Variants in FBXW12 observed in about 807,000 individuals in gnomAD.
The protein encoded by FBXW12 is F-box/WD repeat-containing protein 12.
FBXW12 carries 43 observed loss-of-function variants against 55.3 expected under a neutral mutation model. That is an observed-to-expected ratio of 0.78 (90% CI 0.61 to 1.00). The LOEUF (loss-of-function observed/expected upper bound fraction) is 1.00, where lower values mean the gene tolerates loss of function less well. FBXW12 is among the 50% of genes least tolerant of loss of function. FBXW12 has a pLI of 0.00. For missense variants in FBXW12, 524 were observed against 560.5 expected (o/e 0.93, Z 0.66); for synonymous variants, 184 against 203.8 (o/e 0.90, Z 0.83).
Position 48,373,304 on chromosome 3 carries a change from A to G in FBXW12, c.91-4A>G. The G allele has an allele frequency of 1.2e-6, 2 of 1,614,100 alleles. No homozygotes were observed. Among genetic ancestry groups the G allele is most frequent in the South Asian group, 1.1e-5 (1 of 91,066 alleles). ...CTGCTTGTCTCTTCCTTTCTCTCCC[A>G]TAGCATTGGAATAGGATTGCAGACA... On this transcript the variant is annotated splice_region_variant and splice_polypyrimidine_tract_variant and intron_variant, in intron 2 of 10. Coordinates refer to ENST00000296438, the MANE Select transcript of FBXW12 (RefSeq NM_207102.2).
At chr3:48,376,507 A>C (rs1206059247) in intron 5 of FBXW12, among the ~76,000 whole-genome samples, 1 of 152,134 alleles carries the variant, frequency 6.6e-6, no homozygotes, top group Non-Finnish European at 1.5e-5. Context: ...TTATCTCAAA[A>C]CTGAGTGTGG....
chr3:48,373,256 T>G, intron 2 of FBXW12, 52 bp from the exon 3 acceptor site: 1 of 1,613,980 alleles, frequency 6.2e-7, no homozygotes, highest in Non-Finnish European at 8.5e-7. Context: ...GGATTACCCT[T>G]GCTCTCTGAT....
intron 5 of FBXW12, among the ~76,000 whole-genome samples, chr3:48,375,974 C>CTTT (rs34834484): frequency 0.014 from 554 of 40,660 alleles, 144 homozygotes; most frequent in African/African-American, 0.041. Flanking sequence ...TGCGCCCGGC[C>CTTT]TTTTTTTTTT....
chr3:48,373,527 G>A lies in FBXW12; in HGVS notation c.129-21G>A, dbSNP rs752139075. On this transcript the variant is annotated intron_variant, in intron 3 of 10. Coordinates refer to ENST00000296438, the MANE Select transcript of FBXW12 (RefSeq NM_207102.2). ...TGAACTGACTGAGAACAGCCTGATGGGACTGTGACTCTGTTTCCAGGTCAC... is the reference window on the plus strand; with the variant it reads ...TGAACTGACTGAGAACAGCCTGATGAGACTGTGACTCTGTTTCCAGGTCAC... 6 of 1,609,706 alleles carry A rather than the reference G, an allele frequency of 3.7e-6. No individual in the cohort carries two copies. The Admixed American group carries it at 6.7e-5, about 18-fold the overall frequency.
At chr3:48,391,917 A>G (rs1479191117) in intron 10 of FBXW12, among the ~76,000 whole-genome samples, 3 of 152,124 alleles carry the variant, frequency 2.0e-5, no homozygotes, top group African/African-American at 4.8e-5. Context: ...TTTTGCGTCT[A>G]TGTTCATCAG....
At position 48,372,272 on chromosome 3, in the gene FBXW12, A is replaced by C; in HGVS notation, c.-133A>C. On this transcript the variant is annotated 5_prime_UTR_variant, in exon 1 of 11. An upstream start codon of the reference 5' UTR is lost. Transcript: ENST00000296438. The stretch of plus-strand genomic sequence containing the variant: ...GCGAGAAGGTAGAAACCCAGAGGCC[A>C]TGCTGGCGCTGAGAGATGAGCCCCA... 1 of 1,552,164 alleles carries C rather than the reference A, an allele frequency of 6.4e-7. No individual in the cohort carries two copies. The highest frequency in any genetic ancestry group is 8.7e-7 in the Non-Finnish European group (1 of 1,147,076).
intron 6 of FBXW12, among the ~76,000 whole-genome samples, chr3:48,379,095 C>T (rs1279416978): frequency 2.6e-5 from 4 of 152,274 alleles, no homozygotes; most frequent in African/African-American, 9.6e-5. Flanking sequence ...TGTTATTGTC[C>T]AGTCCATGAA....
rs772526265 is a variant in FBXW12 at position 48,381,859 on chromosome 3, C to A, written c.1145C>A (p.Ala382Asp). The part of the protein sequence containing the change: ...LLQRFEDHQA[A>D]INNFWVDPCY... ...CAACGATTTGAGGACCATCAGGCAG[C>A]CATCAACAACTTCTGGGTGGTATGT... The change falls in exon 9 of 11, where the codon GCC becomes GAC. Residue 382 changes from alanine to aspartate, a missense_variant. Coordinates refer to ENST00000296438, the MANE Select transcript of FBXW12 (RefSeq NM_207102.2). 2 of 1,607,304 alleles carry A rather than the reference C, an allele frequency of 1.2e-6. No individual in the cohort carries two copies. Among genetic ancestry groups the A allele is most frequent in the Admixed American group, 3.4e-5 (2 of 59,650 alleles).
At position 48,381,823 on chromosome 3, in the gene FBXW12, G is replaced by A. The variant is rs374845995; in HGVS notation, c.1109G>A (p.Gly370Asp). Residue 370 changes from glycine to aspartate, a missense_variant, in exon 9 of 11, where the codon GGC becomes GAC. Coordinates refer to ENST00000296438, the MANE Select transcript of FBXW12 (RefSeq NM_207102.2). ...GPYLLLFSITGFLLQRFEDHQ... is the reference protein window; with the variant it reads ...GPYLLLFSITDFLLQRFEDHQ... ...TACTTGTTACTCTTCAGCATCACTG[G>A]CTTCCTGCTGCAACGATTTGAGGAC... 8.8e-5 allele frequency: 142 copies of A among 1,609,556 alleles called. No individual in the cohort carries two copies. The highest frequency in any genetic ancestry group is 1.1e-4 in the Non-Finnish European group (134 of 1,176,984).
At chr3:48,386,945 T>TTA (rs2036856141) in intron 10 of FBXW12, among the ~76,000 whole-genome samples, 1 of 151,388 alleles carries the variant, frequency 6.6e-6, no homozygotes. Flanking sequence ...CTTCTTCTTT[T>TTA]TTTTTTTTTT....
intron 10 of FBXW12, among the ~76,000 whole-genome samples, chr3:48,388,475 T>G (rs1346510809): frequency 6.6e-6 from 1 of 152,246 alleles, no homozygotes; most frequent in Non-Finnish European, 1.5e-5. Context: ...TCTTCTAGGT[T>G]AATTGGCCCT....
chr3:48,381,045 C>T (rs1230332206), intron 8 of FBXW12, 133 bp downstream of exon 8: 26 of 639,312 alleles, frequency 4.1e-5, no homozygotes, highest in African/African-American at 2.3e-4. Context: ...TTTTTTGAGA[C>T]GGAGTCTTGC....
intron 10 of FBXW12, among the ~76,000 whole-genome samples, chr3:48,388,420 T>C (rs1014091430): frequency 1.3e-5 from 2 of 152,228 alleles, no homozygotes; most frequent in African/African-American, 2.4e-5. Context: ...TTTCATGTAT[T>C]TTGCAGCTCT....
At position 48,373,309 on chromosome 3, in the gene FBXW12, A is replaced by G; in HGVS notation, c.92A>G (p.His31Arg). 3 of 1,614,068 alleles carry G rather than the reference A, an allele frequency of 1.9e-6. No individual in the cohort carries two copies. The highest frequency in any genetic ancestry group is 2.5e-6 in the Non-Finnish European group (3 of 1,180,020). The part of the protein sequence containing the change: ...GLLQVSQVNK[H>R]WNRIADSDYL... ...TGTCTCTTCCTTTCTCTCCCATAGCATTGGAATAGGATTGCAGACAGTGAT... is the reference window on the plus strand; with the variant it reads ...TGTCTCTTCCTTTCTCTCCCATAGCGTTGGAATAGGATTGCAGACAGTGAT... The change falls in exon 3 of 11, where the codon CAT (histidine) becomes CGT (arginine). Residue 31 changes from histidine to arginine, a missense_variant and splice_region_variant. Physicochemically the swap from His to Arg is conservative, Grantham distance 29. Transcript: ENST00000296438.
chr3:48,384,079 T>G (rs2036813205), intron 10 of FBXW12, among the ~76,000 whole-genome samples: 1 of 152,180 alleles, frequency 6.6e-6, no homozygotes, highest in Non-Finnish European at 1.5e-5. Context: ...GTTTGTAAAT[T>G]TTTACAAAAA....
intron 4 of FBXW12, 124 bp downstream of exon 4, chr3:48,373,829 C>T: frequency 1.1e-6 from 1 of 917,038 alleles, no homozygotes; most frequent in Non-Finnish European, 1.6e-6. Context: ...TAAAATTGAA[C>T]CAGACTGGGT....
At chr3:48,386,138 T>C (rs2036844689) in intron 10 of FBXW12, among the ~76,000 whole-genome samples, 1 of 152,230 alleles carries the variant, frequency 6.6e-6, no homozygotes, top group Non-Finnish European at 1.5e-5. Context: ...TCAGGTTTTA[T>C]ATTTAAGTCT....
Position 48,372,982 on chromosome 3 carries a change from G to A in FBXW12, c.90+125G>A, listed in dbSNP as rs1272429185. ...TGGGGGTTAGCATTCTTCATACTGA[G>A]GGCCTCATATTCTGTTAAACGAAAA... On this transcript the variant is annotated intron_variant, in intron 2 of 10. Transcript: ENST00000296438. 2.6e-5 allele frequency: 24 copies of A among 936,770 alleles called. No homozygotes were observed. In the East Asian group the frequency reaches 4.9e-4, roughly 19 times the overall value. 58.0% of individuals were successfully genotyped at this position (936,770 alleles called of 1,614,324 possible).
chr3:48,385,445 T>TA (rs1462853461), intron 10 of FBXW12, among the ~76,000 whole-genome samples: 10 of 152,160 alleles, frequency 6.6e-5, no homozygotes, highest in Admixed American at 5.9e-4. Context: ...TTCCATATCT[T>TA]AGTTATTGTG....
Sources: allele counts gnomAD v4.1 joint callset (sites outside exome capture counted in the v4.1 genomes callset), GRCh38; gene constraint gnomAD v4.1.1; transcripts MANE v1.5; gene names NCBI Gene and HGNC (gene_info 2026-07-23, HGNC 2026-07-21).